ONECUT2: variants seen among roughly 807,000 people sequenced by gnomAD.
ONECUT2 encodes one cut domain family member 2.
ONECUT2 carries 10 observed loss-of-function variants against 27.9 expected under a neutral mutation model. That is an observed-to-expected ratio of 0.36 (90% CI 0.22 to 0.61). The LOEUF is 0.61. Among genes scored for constraint, ONECUT2 ranks in the 20% least tolerant of loss-of-function variants. ONECUT2 has a pLI of 0.73. For synonymous variants in ONECUT2, 334 were observed against 315.1 expected (o/e 1.06, Z -0.64); for missense variants, 686 against 721.0 (o/e 0.95, Z 0.56).
At chr18:57,467,590 C>CT (rs1339476900) in intron 1 of ONECUT2, among the ~76,000 whole-genome samples, 2 of 152,118 alleles carry the variant, frequency 1.3e-5, no homozygotes, top group Non-Finnish European at 2.9e-5. Flanking sequence ...TAGCCTCGAT[C>CT]TCCTGACCTC....
At position 57,480,393 on chromosome 18, in the gene ONECUT2, A is replaced by G. The variant is rs1206263515; in HGVS notation, c.*3670A>G. ...AGTGGAAATGGTTGCTCTTTTCCAG[A>G]CTGGATTGAGGAATGGAGCCTGTTT... On this transcript the variant is annotated 3_prime_UTR_variant, in exon 2 of 2. Transcript: ENST00000491143. 6.6e-6 allele frequency: 1 copy of G among 152,172 alleles called. No individual in the cohort carries two copies. Among genetic ancestry groups the G allele is most frequent in the Non-Finnish European group, 1.5e-5 (1 of 68,042 alleles). 9.4% of individuals were successfully genotyped at this position (152,172 alleles called of 1,614,324 possible). A position where few individuals can be genotyped will look rare whatever the true frequency, so the allele number is the denominator to read the frequency against.
At chr18:57,449,193 A>G (rs1018294930) in intron 1 of ONECUT2, among the ~76,000 whole-genome samples, 2 of 152,270 alleles carry the variant, frequency 1.3e-5, no homozygotes, top group East Asian at 1.9e-4. Context: ...ATCTCTTTGG[A>G]CCATCCCTCC....
In ONECUT2 at chr18:57,435,672, GGCCGCCCCCGCCGCCCCC is replaced by G. The variant is rs760571982; in HGVS notation, c.-34_-17del. On this transcript the variant is annotated 5_prime_UTR_variant, in exon 1 of 2. Coordinates refer to ENST00000491143, the MANE Select transcript of ONECUT2 (RefSeq NM_004852.3). ...GCCACGCGCGCCTTGCCCGCCCGCC[GGCCGCCCCCGCCGCCCCC>G]GCCGCCCCCGGGCCCTGATGGACTG... 4 of 708,072 alleles carry G rather than the reference GGCCGCCCCCGCCGCCCCC, an allele frequency of 5.6e-6. No homozygotes were observed. Among genetic ancestry groups the G allele is most frequent in the Middle Eastern group, 6.8e-4 (1 of 1,462 alleles). The allele number at this position is 708,072 out of a possible 1,614,324, so 43.9% of individuals were successfully genotyped here. A position where few individuals can be genotyped will look rare whatever the true frequency, so the allele number is the denominator to read the frequency against.
At chr18:57,461,026 A>G (rs978570427) in intron 1 of ONECUT2, among the ~76,000 whole-genome samples, 2 of 152,208 alleles carry the variant, frequency 1.3e-5, no homozygotes, top group Non-Finnish European at 2.9e-5. Flanking sequence ...AATAAGTTTT[A>G]GTTTTGGCCT....
intron 1 of ONECUT2, among the ~76,000 whole-genome samples, chr18:57,452,199 G>A (rs1383401294): frequency 6.6e-6 from 1 of 152,086 alleles, no homozygotes; most frequent in Non-Finnish European, 1.5e-5. Context: ...GACTGTTTGT[G>A]ACATGCTTGA....
rs1293401938 is a variant in ONECUT2, at chr18:57,435,564, G to A, written c.-153G>A. On this transcript the variant is annotated 5_prime_UTR_variant, in exon 1 of 2. Transcript: ENST00000491143. ...CCCCGCCCCCACCCCGGGCGAGCCC[G>A]CCCGCAGCCCGGGGCGCACACCCGC... 6 of 157,562 alleles carry A rather than the reference G, an allele frequency of 3.8e-5. No individual in the cohort carries two copies. The highest frequency in any genetic ancestry group is 6.5e-5 in the Non-Finnish European group (6 of 91,858). The allele number at this position is 157,562 out of a possible 1,614,324, so 9.8% of individuals were successfully genotyped here. A position where few individuals can be genotyped will look rare whatever the true frequency, so the allele number is the denominator to read the frequency against.
intron 1 of ONECUT2, among the ~76,000 whole-genome samples, chr18:57,440,523 C>A (rs1480693106): frequency 6.6e-6 from 1 of 152,260 alleles, no homozygotes; most frequent in Non-Finnish European, 1.5e-5. Flanking sequence ...GTCCGACGCA[C>A]GGCCCTCTCC....
chr18:57,436,737 C>T lies in ONECUT2; in HGVS notation c.1021C>T (p.Arg341Cys). Residue 341 changes from arginine to cysteine, a missense_variant, in exon 1 of 2, where the codon CGC (arginine) becomes TGC (cysteine). Coordinates refer to ENST00000491143, the MANE Select transcript of ONECUT2 (RefSeq NM_004852.3). The surrounding 1 kb of genome is among the most constrained non-coding windows in gnomAD (Gnocchi z 5.9). ...AATCAACACCAAAGAGGTGGCCCAG[C>T]GCATCACAGCGGAGCTGAAGCGCTA... Reference protein sequence around the residue: ...EEINTKEVAQRITAELKRYSI... With the variant: ...EEINTKEVAQCITAELKRYSI... 3 of 1,613,950 alleles carry T rather than the reference C, an allele frequency of 1.9e-6. No homozygotes were observed. The highest frequency in any genetic ancestry group is 2.5e-6 in the Non-Finnish European group (3 of 1,180,038).
rs374605905 is a variant in ONECUT2 at position 57,436,322 on chromosome 18, C to T, written c.606C>T (p.Arg202=). ...SGSFTLMRDE[R]GLPAMNNLYS... is the part of the protein sequence containing the mutation. ...GCTTCACCCTCATGCGCGACGAGCG[C>T]GGGCTCCCGGCCATGAACAACCTCT... Residue 202 remains arginine, a synonymous_variant, in exon 1 of 2, where the codon CGC becomes CGT. Coordinates refer to ENST00000491143, the MANE Select transcript of ONECUT2 (RefSeq NM_004852.3). The surrounding 1 kb of genome is among the most constrained non-coding windows in gnomAD (Gnocchi z 5.9). 3.2e-5 allele frequency: 52 copies of T among 1,604,312 alleles called. No homozygotes were observed. In the African/African-American group the frequency reaches 6.4e-4, roughly 20 times the overall value.
At chr18:57,444,949 C>T (rs1196868134) in intron 1 of ONECUT2, among the ~76,000 whole-genome samples, 1 of 152,090 alleles carries the variant, frequency 6.6e-6, no homozygotes, top group Non-Finnish European at 1.5e-5. Context: ...TGTGTAATGA[C>T]CCAGTTGGGG....
In ONECUT2 at chr18:57,440,975, G is replaced by C. The variant is rs144803789; in HGVS notation, c.1228+4031G>C. ...ATAATTGAAAAGTTCGCTGCAGTCT[G>C]TGCTTCGTCAAGTCCCGGGTGCCGG... On this transcript the variant is annotated intron_variant, in intron 1 of 1. Coordinates refer to ENST00000491143, the MANE Select transcript of ONECUT2 (RefSeq NM_004852.3). Among the ~76,000 whole-genome samples the C allele has an allele frequency of 6.2e-3, 943 of 152,328 alleles. 18 individuals are homozygous for C. The highest frequency in any genetic ancestry group is 0.021 in the African/African-American group (859 of 41,576).
chr18:57,482,068 A>G lies in ONECUT2; in HGVS notation c.*5345A>G, dbSNP rs778358026. On this transcript the variant is annotated 3_prime_UTR_variant, in exon 2 of 2. Coordinates refer to ENST00000491143, the MANE Select transcript of ONECUT2 (RefSeq NM_004852.3). ...TTTTATCTTTAGCTAAGATCAAGTC[A>G]CCCCTGAAACAACAGGAGATTCTAG... The G allele has an allele frequency of 6.6e-6, 1 of 152,174 alleles. No individual in the cohort carries two copies. Among genetic ancestry groups the G allele is most frequent in the Non-Finnish European group, 1.5e-5 (1 of 68,026 alleles). The allele number at this position is 152,174 out of a possible 1,614,324, so 9.4% of individuals were successfully genotyped here.
intron 1 of ONECUT2, among the ~76,000 whole-genome samples, chr18:57,452,410 G>GTATTTTATTTTATTT (rs59877360): frequency 0.015 from 2,270 of 150,994 alleles, 54 homozygotes; most frequent in African/African-American, 0.05. Context: ...AGCTCAACCT[G>GTATTTTATTTTATTT]TATTTTATTT....
At chr18:57,441,863 T>G (rs1015703995) in intron 1 of ONECUT2, among the ~76,000 whole-genome samples, 3 of 152,188 alleles carry the variant, frequency 2.0e-5, no homozygotes, top group Non-Finnish European at 4.4e-5. Context: ...TCCCTCCGAG[T>G]AGCAGGCTCT....
At chr18:57,475,545 A>G (rs1568125316) in intron 1 of ONECUT2, among the ~76,000 whole-genome samples, 1 of 152,180 alleles carries the variant, frequency 6.6e-6, no homozygotes, top group Non-Finnish European at 1.5e-5. Flanking sequence ...TCCAAAAAGA[A>G]TCAGTCAGGA....
At chr18:57,439,772 C>T (rs2050164105) in intron 1 of ONECUT2, among the ~76,000 whole-genome samples, 1 of 152,180 alleles carries the variant, frequency 6.6e-6, no homozygotes, top group Admixed American at 6.5e-5. Flanking sequence ...AGACCGGTGC[C>T]TGGAAGACAC....
Position 57,478,970 on chromosome 18 carries a change from G to A in ONECUT2, c.*2247G>A, listed in dbSNP as rs1367182569. On this transcript the variant is annotated 3_prime_UTR_variant, in exon 2 of 2. Coordinates refer to ENST00000491143, the MANE Select transcript of ONECUT2 (RefSeq NM_004852.3). Reference sequence around the variant, plus strand: ...CATGGAATCTCTCAAAAGTTTCCATGGACTCCAAGTTTAAGATGTTGGGAT... The same window carrying A: ...CATGGAATCTCTCAAAAGTTTCCATAGACTCCAAGTTTAAGATGTTGGGAT... 6.6e-6 allele frequency: 1 copy of A among 152,524 alleles called. No individual in the cohort carries two copies. The highest frequency in any genetic ancestry group is 1.9e-4 in the East Asian group (1 of 5,190). The allele number at this position is 152,524 out of a possible 1,614,324, so 9.4% of individuals were successfully genotyped here. A position where few individuals can be genotyped will look rare whatever the true frequency, so the allele number is the denominator to read the frequency against.
At chr18:57,460,220 G>A (rs1034093537) in intron 1 of ONECUT2, among the ~76,000 whole-genome samples, 1 of 152,088 alleles carries the variant, frequency 6.6e-6, no homozygotes, top group Non-Finnish European at 1.5e-5. Context: ...ACCATGCCTG[G>A]CCTTGGGTCA....
intron 1 of ONECUT2, among the ~76,000 whole-genome samples, chr18:57,476,083 C>G (rs1328854372): frequency 1.3e-5 from 2 of 152,218 alleles, no homozygotes; most frequent in African/African-American, 4.8e-5. Context: ...AGGCTTCCCC[C>G]ACCCTGGCGT....
Sources: allele counts gnomAD v4.1 joint callset (sites outside exome capture counted in the v4.1 genomes callset), GRCh38; gene constraint gnomAD v4.1.1; non-coding constraint Gnocchi (gnomAD v3.1); transcripts MANE v1.5; gene names NCBI Gene and HGNC (gene_info 2026-07-23, HGNC 2026-07-21).